The following CDK17 variants were observed in gnomAD, a reference collection of about 807,000 sequenced individuals.
The protein encoded by CDK17 is cyclin dependent kinase 17.
CDK17 carries 24 observed loss-of-function variants against 77.6 expected under a neutral mutation model. The observed-to-expected ratio is 0.31, with a 90% CI of 0.22 to 0.44. The LOEUF (loss-of-function observed/expected upper bound fraction) is 0.44, where lower values mean the gene tolerates loss of function less well. Ranked by LOEUF, CDK17 falls within the 20% of genes least tolerant of loss-of-function variation. The pLI, the probability that CDK17 is intolerant of heterozygous loss-of-function variation, is 1.00. For synonymous variants in CDK17, 203 were observed against 210.4 expected (o/e 0.96, Z 0.30); for missense variants, 429 against 622.5 (o/e 0.69, Z 3.31).
intron 5 of CDK17, among the ~76,000 whole-genome samples, chr12:96,306,170 C>A (rs909043187): frequency 1.8e-4 from 27 of 152,130 alleles, no homozygotes; most frequent in Non-Finnish European, 2.9e-5. Flanking sequence ...CCCATTCAGC[C>A]CTACTGTATA....
intron 2 of CDK17, among the ~76,000 whole-genome samples, chr12:96,332,783 A>C (rs1483087469): frequency 6.6e-6 from 1 of 152,212 alleles, no homozygotes; most frequent in African/African-American, 2.4e-5. Context: ...TACCTATTAA[A>C]AGTTACTACT....
chr12:96,315,717 AAGAG>A (rs372127085), intron 3 of CDK17, among the ~76,000 whole-genome samples: 1 of 152,156 alleles, frequency 6.6e-6, no homozygotes, highest in African/African-American at 2.4e-5. Flanking sequence ...AGCAAAAACA[AAGAG>A]AGGACTGAAA....
chr12:96,395,011 G>A (rs990009588), intron 1 of CDK17, among the ~76,000 whole-genome samples: 5 of 151,744 alleles, frequency 3.3e-5, no homozygotes, highest in Non-Finnish European at 7.4e-5. Context: ...GAGTAGCTGG[G>A]ATTACAGGCA....
chr12:96,302,963 T>C (rs1001229409), intron 5 of CDK17: 1 of 152,176 alleles, frequency 6.6e-6, no homozygotes, highest in African/African-American at 2.4e-5. Context: ...CAGATCCTAA[T>C]TCAAAAAGTA....
At chr12:96,354,596 C>T (rs574953572) in intron 1 of CDK17, among the ~76,000 whole-genome samples, 26 of 152,236 alleles carry the variant, frequency 1.7e-4, no homozygotes, top group Non-Finnish European at 2.9e-4. Flanking sequence ...TTTAGAGCAT[C>T]CAACTGGGCA....
chr12:96,306,398 C>G (rs1006757694), intron 5 of CDK17, among the ~76,000 whole-genome samples: 33 of 147,914 alleles, frequency 2.2e-4, no homozygotes, highest in African/African-American at 8.2e-4. Context: ...ATGACCCTGT[C>G]TCTACAAATA....
chr12:96,379,122 CA>C (rs1953834535), intron 1 of CDK17, among the ~76,000 whole-genome samples: 1 of 152,018 alleles, frequency 6.6e-6, no homozygotes, highest in Admixed American at 6.5e-5. Context: ...AACCTAGGGA[CA>C]ATTATGTACC....
chr12:96,390,708 CAA>C (rs71097285), intron 1 of CDK17, among the ~76,000 whole-genome samples: 11 of 43,518 alleles, frequency 2.5e-4, no homozygotes, highest in East Asian at 6.5e-4. Flanking sequence ...GACTCCATCT[CAA>C]AAAAAAAAAA....
intron 1 of CDK17, among the ~76,000 whole-genome samples, chr12:96,338,467 G>A (rs12809734): frequency 0.049 from 7,492 of 152,156 alleles, 252 homozygotes; most frequent in Non-Finnish European, 0.064. Context: ...AGAAATCTAC[G>A]TGCCCCAGCA....
At chr12:96,377,362 A>T (rs759235265) in intron 1 of CDK17, among the ~76,000 whole-genome samples, 1 of 152,214 alleles carries the variant, frequency 6.6e-6, no homozygotes, top group Admixed American at 6.5e-5. Flanking sequence ...TTTGCAACCC[A>T]CATCACAAAT....
rs766400136 is a variant in CDK17 at position 96,298,829 on chromosome 12, C to T, written c.715+40G>A. ...ACTTATAAAAAATAGACACTTATTC[C>T]ACCACTTTGATTTTAAAATGTTCTG... On this transcript the variant is annotated intron_variant, in intron 7 of 16. Coordinates refer to ENST00000261211, the MANE Select transcript of CDK17 (RefSeq NM_002595.5). 45 of 1,054,722 alleles carry T rather than the reference C, an allele frequency of 4.3e-5. 1 individual carries two copies. The Admixed American group carries it at 6.8e-4, about 16-fold the overall frequency. The allele number at this position is 1,054,722 out of a possible 1,614,324, so 65.3% of individuals were successfully genotyped here.
chr12:96,300,645 C>CCTTG (rs1952486407), intron 5 of CDK17, among the ~76,000 whole-genome samples: 1 of 152,188 alleles, frequency 6.6e-6, no homozygotes, highest in African/African-American at 2.4e-5. Flanking sequence ...GATCTGCCTG[C>CCTTG]CTTGGCCTTC....
intron 1 of CDK17, among the ~76,000 whole-genome samples, chr12:96,343,171 T>C (rs1306298430): frequency 6.6e-6 from 1 of 152,230 alleles, no homozygotes; most frequent in Non-Finnish European, 1.5e-5. Flanking sequence ...GCTTGGTTCT[T>C]GTACCAAAAA....
rs186351995 is a variant in CDK17 at position 96,357,594 on chromosome 12, T to G, written c.-29-22729A>C. ...CAACTACAGAAAGGTTATAGTAGAC[T>G]ACTGATAATTCTGAGATTCAAATTA... On this transcript the variant is annotated intron_variant, in intron 1 of 16. Transcript: ENST00000261211. Among the ~76,000 whole-genome samples the G allele has an allele frequency of 1.8e-3, 278 of 152,328 alleles. 2 individuals carry two copies. Among genetic ancestry groups the G allele is most frequent in the African/African-American group, 6.1e-3 (252 of 41,574 alleles).
chr12:96,280,447 A>G (rs919218740), intron 16 of CDK17, 168 bp from the exon 17 acceptor site: 2 of 1,430,134 alleles, frequency 1.4e-6, no homozygotes, highest in Middle Eastern at 2.5e-4. Context: ...GTCAGTCTAC[A>G]GCTTCTATGC....
intron 3 of CDK17, among the ~76,000 whole-genome samples, chr12:96,316,230 A>C (rs1302163472): frequency 1.3e-5 from 2 of 152,134 alleles, no homozygotes; most frequent in Non-Finnish European, 2.9e-5. Flanking sequence ...TCCCACCCGA[A>C]TATTGCGCTT....
At chr12:96,354,317 C>T (rs904359649) in intron 1 of CDK17, among the ~76,000 whole-genome samples, 3 of 152,188 alleles carry the variant, frequency 2.0e-5, no homozygotes, top group African/African-American at 7.2e-5. Context: ...CTGCTAACTA[C>T]TGAAGAATTA....
intron 3 of CDK17, among the ~76,000 whole-genome samples, chr12:96,316,006 G>T (rs927173889): frequency 2.6e-5 from 4 of 152,166 alleles, no homozygotes; most frequent in Non-Finnish European, 5.9e-5. Flanking sequence ...CGTGAGCGAC[G>T]CAGAAGACGG....
At chr12:96,327,480 A>G (rs1952906556) in intron 2 of CDK17, among the ~76,000 whole-genome samples, 1 of 152,182 alleles carries the variant, frequency 6.6e-6, no homozygotes, top group African/African-American at 2.4e-5. Context: ...CTGCTAAATT[A>G]GTTTCACACA....
Sources: gnomAD v4.1 joint callset for allele counts (sites outside exome capture counted in the v4.1 genomes callset) on GRCh38, gnomAD v4.1.1 for gene constraint, MANE v1.5 for transcripts, NCBI Gene and HGNC (gene_info 2026-07-23, HGNC 2026-07-21) for gene names.